The following SLC24A4 variants were observed in gnomAD, a reference collection of about 807,000 sequenced individuals.
SLC24A4 encodes the protein sodium/potassium/calcium exchanger 4.
Under a neutral mutation model 79.0 loss-of-function variants are expected in SLC24A4, and 53 were observed. The ratio of observed to expected loss-of-function variants is 0.67; its 90% CI spans 0.54 to 0.84. SLC24A4 has a LOEUF of 0.84. Among genes scored for constraint, SLC24A4 ranks in the 40% least tolerant of loss-of-function variants. SLC24A4 has a pLI of 0.00. For synonymous variants in SLC24A4, 323 were observed against 323.8 expected (o/e 1.00, Z 0.03); for missense variants, 731 against 822.0 (o/e 0.89, Z 1.35).
At chr14:92,455,434 C>A (rs1309938762) in intron 11 of SLC24A4, among the ~76,000 whole-genome samples, 3 of 152,202 alleles carry the variant, frequency 2.0e-5, no homozygotes, top group African/African-American at 4.8e-5. Context: ...TGAAAAATAA[C>A]AAACTGCTGA....
chr14:92,486,721 T>C lies in SLC24A4; in HGVS notation c.1478T>C (p.Phe493Ser). 1 of 1,614,136 alleles carries C rather than the reference T, an allele frequency of 6.2e-7. No homozygotes were observed. The highest frequency in any genetic ancestry group is 2.2e-5 in the East Asian group (1 of 44,882). The change falls in exon 14 of 17, where the codon TTC (phenylalanine) becomes TCC (serine). Residue 493 changes from phenylalanine (F) to serine (S), a missense_variant. Transcript: ENST00000532405. ...GIPDVIMGIT[F>S]LAAGTSVPDC... is the part of the protein sequence containing the mutation. ...CCGGATGTCATCATGGGCATTACTT[T>C]CCTGGCAGCAGGGACAAGTGTTCCA...
At chr14:92,344,093 A>G (rs1375349771) in intron 2 of SLC24A4, among the ~76,000 whole-genome samples, 1 of 152,200 alleles carries the variant, frequency 6.6e-6, no homozygotes, top group East Asian at 1.9e-4. Context: ...GACTTGCATT[A>G]TAGGATATTC....
intron 12 of SLC24A4, chr14:92,462,850 G>A (rs1474195498): frequency 1.3e-5 from 2 of 152,228 alleles, no homozygotes; most frequent in Admixed American, 6.6e-5. Context: ...ACAGAGCTAG[G>A]ATTTACACAA....
intron 2 of SLC24A4, among the ~76,000 whole-genome samples, chr14:92,378,357 A>G (rs1269201801): frequency 6.6e-6 from 1 of 152,190 alleles, no homozygotes; most frequent in Non-Finnish European, 1.5e-5. Context: ...AGACAGGGCC[A>G]AATGGTTTTC....
rs1893466563 is a variant in SLC24A4 at position 92,456,426 on chromosome 14, C to T, written c.1073C>T (p.Ala358Val). 1.2e-6 allele frequency: 2 copies of T among 1,614,198 alleles called. No individual in the cohort carries two copies. The highest frequency in any genetic ancestry group is 1.7e-6 in the Non-Finnish European group (2 of 1,180,040). The change falls in exon 12 of 17, where the codon GCC becomes GTC. Residue 358 changes from alanine (A) to valine (V), a missense_variant. Coordinates refer to ENST00000532405, the MANE Select transcript of SLC24A4 (RefSeq NM_153646.4). ...CAGCGGCAGAGACTGATCAACTCGG[C>T]CAATGGTGTGAGCAGTAAGCCGCTT... ...INERQRLINS[A>V]NGVSSKPLQN...
chr14:92,437,174 C>T (rs1322377518), intron 3 of SLC24A4, among the ~76,000 whole-genome samples: 1 of 152,184 alleles, frequency 6.6e-6, no homozygotes, highest in Non-Finnish European at 1.5e-5. Context: ...TTCCGTGGGT[C>T]CTGATCCTTG....
At chr14:92,414,167 G>C (rs571585493) in intron 2 of SLC24A4, among the ~76,000 whole-genome samples, 1 of 152,054 alleles carries the variant, frequency 6.6e-6, no homozygotes, top group Admixed American at 6.5e-5. Context: ...TATTGGCATC[G>C]GGGGCTGGAT....
At chr14:92,413,929 G>A (rs1447101136) in intron 2 of SLC24A4, among the ~76,000 whole-genome samples, 3 of 152,192 alleles carry the variant, frequency 2.0e-5, no homozygotes, top group Non-Finnish European at 2.9e-5. Flanking sequence ...CAGAGGAGAA[G>A]GGGTGAGAAT....
chr14:92,325,839 T>C, intron 1 of SLC24A4, 29 bp from the exon 2 acceptor site: 1 of 1,401,452 alleles, frequency 7.1e-7, no homozygotes, highest in Admixed American at 1.8e-5. Context: ...ACTGACCTAA[T>C]GGTATCTGTG....
intron 12 of SLC24A4, among the ~76,000 whole-genome samples, chr14:92,477,271 C>A (rs1426204492): frequency 6.6e-6 from 1 of 152,134 alleles, no homozygotes. Context: ...TGACCATTTT[C>A]TTTGGAGAAC....
chr14:92,416,891 A>G (rs928683704), intron 2 of SLC24A4, among the ~76,000 whole-genome samples: 8 of 152,240 alleles, frequency 5.3e-5, no homozygotes, highest in African/African-American at 1.7e-4. Flanking sequence ...AAGAGGTCAT[A>G]TGTCCAAGTT....
At chr14:92,324,987 A>T (rs748530088) in intron 1 of SLC24A4, among the ~76,000 whole-genome samples, 3 of 152,216 alleles carry the variant, frequency 2.0e-5, no homozygotes, top group Non-Finnish European at 4.4e-5. Flanking sequence ...ATGCAGGGTT[A>T]AAAAGTGGCT....
chr14:92,424,822 C>A (rs1891480643), intron 2 of SLC24A4, among the ~76,000 whole-genome samples: 1 of 152,036 alleles, frequency 6.6e-6, no homozygotes. Flanking sequence ...GTCAAGGCTG[C>A]AGAGAACTAT....
chr14:92,460,289 G>A (rs557657629), intron 12 of SLC24A4, among the ~76,000 whole-genome samples: 1 of 152,250 alleles, frequency 6.6e-6, no homozygotes, highest in South Asian at 2.1e-4. Flanking sequence ...AGTGGCGGGT[G>A]ACGGCACCTA....
chr14:92,433,874 A>G (rs752200074), intron 2 of SLC24A4, 38 bp from the exon 3 acceptor site: 2 of 1,576,898 alleles, frequency 1.3e-6, no homozygotes, highest in Non-Finnish European at 1.7e-6. Flanking sequence ...GGAGGCCCAT[A>G]GATAACTAAC....
intron 2 of SLC24A4, among the ~76,000 whole-genome samples, chr14:92,349,636 G>C (rs1886758500): frequency 6.6e-6 from 1 of 152,120 alleles, no homozygotes; most frequent in Non-Finnish European, 1.5e-5. Context: ...TCACAACAAG[G>C]ATACTGACAT....
At chr14:92,357,393 C>T (rs969121094) in intron 2 of SLC24A4, among the ~76,000 whole-genome samples, 2 of 152,156 alleles carry the variant, frequency 1.3e-5, no homozygotes, top group African/African-American at 2.4e-5. Flanking sequence ...TTTGTACACC[C>T]AGGCACATGG....
chr14:92,354,668 T>G (rs1448387048), intron 2 of SLC24A4, among the ~76,000 whole-genome samples: 1 of 152,234 alleles, frequency 6.6e-6, no homozygotes, highest in African/African-American at 2.4e-5. Flanking sequence ...ATGCAGATTC[T>G]GATTCAGTAG....
rs1174954629 is a variant in SLC24A4 at position 92,500,416 on chromosome 14, G to A, written c.*6788G>A. On this transcript the variant is annotated 3_prime_UTR_variant, in exon 17 of 17. Transcript: ENST00000532405. ...GAATTTCCCAAGTCCATTCAGGACA[G>A]ACGCGCAGTCCTCTTTCAATGGAAG... 1 of 152,262 alleles carries A rather than the reference G, an allele frequency of 6.6e-6. No individual in the cohort carries two copies. The highest frequency in any genetic ancestry group is 2.4e-5 in the African/African-American group (1 of 41,472). The allele number at this position is 152,262 out of a possible 1,614,324, so 9.4% of individuals were successfully genotyped here.
Sources: gnomAD v4.1 joint callset for allele counts (sites outside exome capture counted in the v4.1 genomes callset) on GRCh38, gnomAD v4.1.1 for gene constraint, MANE v1.5 for transcripts, NCBI Gene and HGNC (gene_info 2026-07-23, HGNC 2026-07-21) for gene names.